Variants in TTBK2 observed in about 807,000 individuals in gnomAD.
TTBK2 encodes the protein tau-tubulin kinase 2.
In TTBK2, 28 loss-of-function variants were observed where a neutral mutation model predicts 110.8. The ratio of observed to expected loss-of-function variants is 0.25; its 90% CI spans 0.19 to 0.35. TTBK2 has a LOEUF of 0.35. TTBK2 is among the 10% of genes least tolerant of loss of function. TTBK2 has a pLI of 1.00. For missense variants in TTBK2, 1,369 were observed against 1,500.3 expected (o/e 0.91, Z 1.45); for synonymous variants, 532 against 527.3 (o/e 1.01, Z -0.12).
At chr15:42,811,369 A>G (rs900708693) in intron 8 of TTBK2, among the ~76,000 whole-genome samples, 1 of 152,140 alleles carries the variant, frequency 6.6e-6, no homozygotes, top group African/African-American at 2.4e-5. Context: ...ATCAAACAAT[A>G]TAATATGACA....
At chr15:42,874,830 AT>A (rs1254012621) in intron 2 of TTBK2, among the ~76,000 whole-genome samples, 1 of 151,446 alleles carries the variant, frequency 6.6e-6, no homozygotes, top group African/African-American at 2.4e-5. Context: ...TACTAAAATT[AT>A]AAAAATTAGC....
chr15:42,898,351 C>T (rs902312163), intron 1 of TTBK2, among the ~76,000 whole-genome samples: 2 of 151,858 alleles, frequency 1.3e-5, no homozygotes, highest in Non-Finnish European at 2.9e-5. Context: ...ATCAGGAGTT[C>T]GGGACCAACA....
chr15:42,905,768 A>G (rs1192199103), intron 1 of TTBK2, among the ~76,000 whole-genome samples: 2 of 152,190 alleles, frequency 1.3e-5, no homozygotes, highest in Non-Finnish European at 2.9e-5. Flanking sequence ...GGGCCCATTA[A>G]TTAACTTCTC....
chr15:42,829,469 C>T (rs1892660979), intron 5 of TTBK2, among the ~76,000 whole-genome samples: 1 of 152,150 alleles, frequency 6.6e-6, no homozygotes, highest in African/African-American at 2.4e-5. Context: ...GGGAATAATG[C>T]CAATTTAGGC....
intron 9 of TTBK2, among the ~76,000 whole-genome samples, chr15:42,809,994 G>A (rs551419858): frequency 1.3e-5 from 2 of 152,244 alleles, no homozygotes; most frequent in South Asian, 2.1e-4. Flanking sequence ...ATGTGTGGCC[G>A]CATTTATGTT....
intron 4 of TTBK2, among the ~76,000 whole-genome samples, chr15:42,831,233 G>T (rs903525373): frequency 5.9e-5 from 9 of 151,826 alleles, no homozygotes; most frequent in African/African-American, 2.2e-4. Context: ...AAGTTTTTTT[G>T]TGTGTTTTTT....
intron 4 of TTBK2, among the ~76,000 whole-genome samples, chr15:42,837,733 G>A (rs1202521504): frequency 6.7e-6 from 1 of 149,176 alleles, no homozygotes; most frequent in Non-Finnish European, 1.5e-5. Context: ...TCAAGAGTTA[G>A]TGAATCACAT....
intron 1 of TTBK2, among the ~76,000 whole-genome samples, chr15:42,881,200 G>A (rs987407303): frequency 2.2e-4 from 32 of 147,906 alleles, no homozygotes; most frequent in African/African-American, 7.8e-4. Context: ...GGAGAATGGC[G>A]TGAACCCGGG....
chr15:42,865,523 A>ACAAC (rs1555432814), intron 3 of TTBK2, among the ~76,000 whole-genome samples: 1 of 150,120 alleles, frequency 6.7e-6, no homozygotes, highest in African/African-American at 2.5e-5. Context: ...TAAAAAAAAA[A>ACAAC]AAAAAACCAA....
At chr15:42,810,475 A>G (rs1190880012) in intron 9 of TTBK2, 139 bp downstream of exon 9, 4 of 1,055,680 alleles carry the variant, frequency 3.8e-6, no homozygotes, top group South Asian at 1.4e-5. Flanking sequence ...TAATTTCACC[A>G]TGTTTCTCAG....
chr15:42,743,130 T>C lies in TTBK2; in HGVS notation c.*2665A>G, dbSNP rs2061760564. On this transcript the variant is annotated 3_prime_UTR_variant, in exon 15 of 15. Coordinates refer to ENST00000267890, the MANE Select transcript of TTBK2 (RefSeq NM_173500.4). ...TTATATATAATTAGTCTGTTTTCTT[T>C]AGAAAGTATCAGAGCAGAAACGTCT... 6.6e-6 allele frequency: 1 copy of C among 152,234 alleles called. No homozygotes were observed. Among genetic ancestry groups the C allele is most frequent in the Non-Finnish European group, 1.5e-5 (1 of 68,026 alleles). The allele number at this position is 152,234 out of a possible 1,614,324, so 9.4% of individuals were successfully genotyped here.
intron 9 of TTBK2, among the ~76,000 whole-genome samples, chr15:42,806,100 C>CA (rs1003862063): frequency 5.3e-5 from 8 of 151,878 alleles, no homozygotes; most frequent in East Asian, 1.9e-4. Flanking sequence ...CCTGTCTCTA[C>CA]AAAAAAATAC....
Position 42,752,597 on chromosome 15 carries a change from G to A in TTBK2, c.2649C>T (p.Asp883=). ...GACCTGGCAAGTCTTCACTCATGAT[G>A]TCATCATCCTTAGATATCTTATTTT... ...MQKNKISKDD[D]IMSEDLPGHQ... The change falls in exon 14 of 15, where the codon GAC becomes GAT. Residue 883 remains aspartate (D), a synonymous_variant. Coordinates refer to ENST00000267890, the MANE Select transcript of TTBK2 (RefSeq NM_173500.4). 6.2e-7 allele frequency: 1 copy of A among 1,614,166 alleles called. No individual in the cohort carries two copies. The highest frequency in any genetic ancestry group is 1.1e-5 in the South Asian group (1 of 91,080).
intron 13 of TTBK2, among the ~76,000 whole-genome samples, chr15:42,753,491 G>T (rs2061898459): frequency 6.6e-6 from 1 of 152,172 alleles, no homozygotes; most frequent in Non-Finnish European, 1.5e-5. Flanking sequence ...TCTTTGGTGT[G>T]CTGTATGCCC....
chr15:42,750,685 A>G lies in TTBK2; in HGVS notation c.3272+1289T>C, dbSNP rs2061853537. ...AAGGAGAAAAGAGAAAGAGGCAGAG[A>G]GAATACTTAAAAAAAAGAAAAAAAG... is the stretch of plus-strand genomic sequence containing the variant. On this transcript the variant is annotated intron_variant, in intron 14 of 14. Transcript: ENST00000267890. 3.9e-5 allele frequency among the ~76,000 whole-genome samples: 6 copies of G among 152,204 alleles called. 1 individual carries two copies. The South Asian group carries it at 1.2e-3, about 32-fold the overall frequency.
intron 3 of TTBK2, among the ~76,000 whole-genome samples, chr15:42,865,522 A>AAAAC (rs1894336091): frequency 7.1e-6 from 1 of 140,976 alleles, no homozygotes. Context: ...CTAAAAAAAA[A>AAAAC]AAAAAAACCA....
intron 5 of TTBK2, 48 bp from the exon 6 acceptor site, chr15:42,828,080 C>T: frequency 7.1e-7 from 1 of 1,405,640 alleles, no homozygotes; most frequent in Non-Finnish European, 1.0e-6. Flanking sequence ...AATACTTAGT[C>T]CTTACATTTT....
chr15:42,832,547 A>G (rs1000809161), intron 4 of TTBK2, among the ~76,000 whole-genome samples: 12 of 152,140 alleles, frequency 7.9e-5, no homozygotes, highest in African/African-American at 2.9e-4. Flanking sequence ...AAAACACCCT[A>G]TACAATAGTC....
At chr15:42,826,084 T>C (rs1892525526) in intron 6 of TTBK2, among the ~76,000 whole-genome samples, 1 of 152,122 alleles carries the variant, frequency 6.6e-6, no homozygotes. Context: ...AACATGACGG[T>C]ATACTTAGAC....
Sources: allele counts gnomAD v4.1 joint callset (sites outside exome capture counted in the v4.1 genomes callset), GRCh38; gene constraint gnomAD v4.1.1; transcripts MANE v1.5; gene names NCBI Gene and HGNC (gene_info 2026-07-23, HGNC 2026-07-21).